The following KSR2 variants were observed in gnomAD, a reference collection of about 807,000 sequenced individuals.
KSR2 encodes the protein kinase suppressor of ras 2.
A neutral mutation model predicts 107.8 loss-of-function variants in KSR2; 25 were observed. The observed-to-expected ratio is 0.23, with a 90% CI of 0.17 to 0.32. The LOEUF (loss-of-function observed/expected upper bound fraction) is 0.32. Ranked by LOEUF, KSR2 falls within the 10% of genes least tolerant of loss-of-function variation. KSR2 has a pLI of 1.00. For missense variants in KSR2, 887 were observed against 1,268.9 expected (o/e 0.70, Z 4.57); for synonymous variants, 480 against 507.0 (o/e 0.95, Z 0.71).
chr12:117,799,633 G>C (rs1432501704), intron 3 of KSR2, among the ~76,000 whole-genome samples: 1 of 152,140 alleles, frequency 6.6e-6, no homozygotes, highest in Non-Finnish European at 1.5e-5. Flanking sequence ...AATTAAGAGG[G>C]TTGGGATCAG....
chr12:117,825,387 A>T (rs1037169193), intron 3 of KSR2, among the ~76,000 whole-genome samples: 1 of 152,048 alleles, frequency 6.6e-6, no homozygotes. Context: ...AGGGATGGAT[A>T]GGTGCATGGG....
intron 7 of KSR2, among the ~76,000 whole-genome samples, chr12:117,566,544 T>A (rs542034079): frequency 6.6e-5 from 10 of 152,336 alleles, no homozygotes; most frequent in African/African-American, 2.4e-4. Flanking sequence ...GCTCCATCCA[T>A]GTTCGTGCAA....
chr12:117,483,721 G>A (rs541830845), intron 16 of KSR2, among the ~76,000 whole-genome samples: 1 of 152,282 alleles, frequency 6.6e-6, no homozygotes, highest in Non-Finnish European at 1.5e-5. Context: ...ACTTAATGAT[G>A]GTTAATGATT....
chr12:117,792,095 G>C (rs1890271396), intron 3 of KSR2, among the ~76,000 whole-genome samples: 1 of 152,148 alleles, frequency 6.6e-6, no homozygotes, highest in Middle Eastern at 3.2e-3. Flanking sequence ...CCAGCACTTT[G>C]AGAGGCTGAG....
chr12:117,893,041 G>A (rs1225285975), intron 1 of KSR2, among the ~76,000 whole-genome samples: 3 of 147,260 alleles, frequency 2.0e-5, no homozygotes, highest in East Asian at 2.0e-4. Flanking sequence ...TTTTTGAGAC[G>A]GGGTCTTACT....
At chr12:117,942,173 A>G (rs1286921744) in intron 1 of KSR2, among the ~76,000 whole-genome samples, 3 of 152,198 alleles carry the variant, frequency 2.0e-5, no homozygotes, top group South Asian at 2.1e-4. Flanking sequence ...TAATCTGGGT[A>G]ACTAGAATAT....
Position 117,762,736 on chromosome 12 carries a change from G to A in KSR2, c.473-1212C>T, listed in dbSNP as rs980539946. On this transcript the variant is annotated intron_variant, in intron 3 of 19. Transcript: ENST00000339824. ...AAAAAAATTAGCTAGGTGTGGTGGCGTGTGCCTGTAATCCCAGCTACTCAG... is the reference window on the plus strand; with the variant it reads ...AAAAAAATTAGCTAGGTGTGGTGGCATGTGCCTGTAATCCCAGCTACTCAG... Among the ~76,000 whole-genome samples the A allele has an allele frequency of 1.8e-4, 27 of 152,074 alleles. 1 individual carries two copies. The South Asian group carries it at 2.7e-3, about 15-fold the overall frequency.
intron 1 of KSR2, among the ~76,000 whole-genome samples, chr12:117,871,860 T>C (rs1197575665): frequency 6.6e-6 from 1 of 152,146 alleles, no homozygotes; most frequent in Non-Finnish European, 1.5e-5. Context: ...TCTTGGTATG[T>C]TGCCCAGGCT....
intron 5 of KSR2, among the ~76,000 whole-genome samples, chr12:117,663,124 C>T (rs959883997): frequency 2.0e-5 from 3 of 152,176 alleles, no homozygotes; most frequent in African/African-American, 7.2e-5. Context: ...ACAACACACT[C>T]CCTCCGTGAT....
intron 14 of KSR2, among the ~76,000 whole-genome samples, chr12:117,495,696 A>T (rs1468881726): frequency 6.6e-6 from 1 of 152,204 alleles, no homozygotes; most frequent in Admixed American, 6.5e-5. Context: ...GGGAAAAAGG[A>T]AGCGTAGACT....
chr12:117,532,207 C>T (rs1282052427), intron 10 of KSR2, among the ~76,000 whole-genome samples: 1 of 152,192 alleles, frequency 6.6e-6, no homozygotes, highest in Non-Finnish European at 1.5e-5. Flanking sequence ...ATGTATCCTC[C>T]TACAGTTCTG....
At chr12:117,896,616 C>A (rs535635465) in intron 1 of KSR2, among the ~76,000 whole-genome samples, 12 of 152,044 alleles carry the variant, frequency 7.9e-5, no homozygotes, top group Admixed American at 2.0e-4. Context: ...TGTGCCACCA[C>A]GCCTGGCTAA....
At chr12:117,867,815 T>C (rs1484158481) in intron 1 of KSR2, among the ~76,000 whole-genome samples, 1 of 152,184 alleles carries the variant, frequency 6.6e-6, no homozygotes, top group Non-Finnish European at 1.5e-5. Flanking sequence ...AATGCTTATG[T>C]TATGTGCCAC....
intron 3 of KSR2, among the ~76,000 whole-genome samples, chr12:117,846,490 A>G (rs1892710161): frequency 6.6e-6 from 1 of 151,758 alleles, no homozygotes; most frequent in Non-Finnish European, 1.5e-5. Context: ...TTTTGTACAG[A>G]TGGGGTCTTG....
chr12:117,870,946 G>T (rs763606804), intron 1 of KSR2, among the ~76,000 whole-genome samples: 2 of 152,216 alleles, frequency 1.3e-5, no homozygotes, highest in Non-Finnish European at 2.9e-5. Flanking sequence ...CACAGAGTGT[G>T]AAGCTGTGTT....
At chr12:117,795,840 G>A (rs1890605812) in intron 3 of KSR2, among the ~76,000 whole-genome samples, 1 of 152,006 alleles carries the variant, frequency 6.6e-6, no homozygotes, top group Non-Finnish European at 1.5e-5. Flanking sequence ...CAAACTCCTG[G>A]GCTCAAGTGA....
At chr12:117,968,029 CTT>C (rs34834989) in intron 1 of KSR2, 45 bp downstream of exon 1, 17,298 of 662,626 alleles carry the variant, frequency 0.026, 316 homozygotes, top group African/African-American at 0.082. Context: ...AGAAGGATTG[CTT>C]TTTTTTTTTT....
intron 1 of KSR2, among the ~76,000 whole-genome samples, chr12:117,923,044 A>T (rs916571472): frequency 6.6e-6 from 1 of 152,126 alleles, no homozygotes; most frequent in African/African-American, 2.4e-5. Context: ...TGGTGACTTC[A>T]CTATTTAGAA....
chr12:117,592,009 GA>G (rs369989954), intron 5 of KSR2, among the ~76,000 whole-genome samples: 22 of 142,420 alleles, frequency 1.5e-4, no homozygotes, highest in Middle Eastern at 3.6e-3. Context: ...ATTCTGTCTC[GA>G]AAAAAAAAAG....
Sources: gnomAD v4.1 joint callset for allele counts (sites outside exome capture counted in the v4.1 genomes callset) on GRCh38, gnomAD v4.1.1 for gene constraint, MANE v1.5 for transcripts, NCBI Gene and HGNC (gene_info 2026-07-23, HGNC 2026-07-21) for gene names.